The following AASDH variants were observed in gnomAD, a reference collection of about 807,000 sequenced individuals.
The protein encoded by AASDH is aminoadipate-semialdehyde dehydrogenase.
Under a neutral mutation model 102.3 loss-of-function variants are expected in AASDH, and 81 were observed. That is an observed-to-expected ratio of 0.79 (90% CI 0.66 to 0.95). The LOEUF (loss-of-function observed/expected upper bound fraction) is 0.95. Among genes scored for constraint, AASDH ranks in the 40% least tolerant of loss-of-function variants. The probability of loss-of-function intolerance (pLI) is 0.00; values close to 1 mark genes in which losing one functional copy is unlikely to be tolerated. For missense variants in AASDH, 1,203 were observed against 1,266.2 expected (o/e 0.95, Z 0.76); for synonymous variants, 398 against 454.0 (o/e 0.88, Z 1.57).
chr4:56,364,362 A>G (rs1750717513), intron 5 of AASDH, among the ~76,000 whole-genome samples: 2 of 152,170 alleles, frequency 1.3e-5, no homozygotes, highest in South Asian at 4.1e-4. Context: ...CAGGAAATAC[A>G]GAGAACACCA....
At position 56,349,948 on chromosome 4, in the gene AASDH, T is replaced by A; in HGVS notation, c.1803A>T (p.Lys601Asn). 6.2e-7 allele frequency: 1 copy of A among 1,613,934 alleles called. No homozygotes were observed. The highest frequency in any genetic ancestry group is 8.5e-7 in the Non-Finnish European group (1 of 1,180,026). Residue 601 changes from lysine (K) to asparagine (N), a missense_variant, in exon 11 of 15, where the codon AAA (lysine) becomes AAT (asparagine). Lys to Asn is a moderately conservative substitution (Grantham distance 94, BLOSUM62 0). Coordinates refer to ENST00000205214, the MANE Select transcript of AASDH (RefSeq NM_181806.4). ...KSIRLLSEIE[K>N]LVGTSVPGLL... ...GCCCAGGTACTGATGTACCAACAAG[T>A]TTTTCAATCTCACTGAGGAGCCGGA...
intron 5 of AASDH, among the ~76,000 whole-genome samples, chr4:56,363,968 C>T (rs1275022638): frequency 1.3e-5 from 2 of 152,036 alleles, no homozygotes; most frequent in Admixed American, 6.6e-5. Flanking sequence ...AAGTTAAAAA[C>T]CTTGAAAAAA....
rs749311558 is a variant in AASDH at position 56,349,733 on chromosome 4, T to C, written c.2018A>G (p.Asn673Ser). The change falls in exon 11 of 15, where the codon AAT becomes AGT. Residue 673 changes from asparagine to serine, a missense_variant. Coordinates refer to ENST00000205214, the MANE Select transcript of AASDH (RefSeq NM_181806.4). ...QKAIMTFTCHNEINAFVVLSR... is the reference protein window; with the variant it reads ...QKAIMTFTCHSEINAFVVLSR... The stretch of plus-strand genomic sequence containing the variant: ...CAGTACAACAAAAGCATTAATCTCA[T>C]TGTGGCAAGTGAAAGTCATGATGGC... 1.4e-5 allele frequency: 23 copies of C among 1,614,102 alleles called. No individual in the cohort carries two copies. The highest frequency in any genetic ancestry group is 4.0e-5 in the African/African-American group (3 of 74,940).
At chr4:56,355,516 C>T in intron 5 of AASDH, 93 bp from the exon 6 acceptor site, 1 of 1,228,920 alleles carries the variant, frequency 8.1e-7, no homozygotes. Flanking sequence ...ACATTTGGAG[C>T]CCACATGGAA....
chr4:56,382,778 C>CT (rs1485727199), intron 2 of AASDH, among the ~76,000 whole-genome samples, 181 bp from the exon 3 acceptor site: 1 of 152,180 alleles, frequency 6.6e-6, no homozygotes, highest in African/African-American at 2.4e-5. Flanking sequence ...GTAATAAACG[C>CT]TGTCATTTTA....
intron 14 of AASDH, among the ~76,000 whole-genome samples, chr4:56,342,389 C>G (rs1267278393): frequency 6.6e-6 from 1 of 152,054 alleles, no homozygotes; most frequent in Non-Finnish European, 1.5e-5. Flanking sequence ...ATGATTGTAA[C>G]AAAATATCAC....
At chr4:56,377,279 T>A (rs1752471437) in intron 4 of AASDH, among the ~76,000 whole-genome samples, 1 of 152,192 alleles carries the variant, frequency 6.6e-6, no homozygotes, top group Non-Finnish European at 1.5e-5. Context: ...ACCCCTAAGG[T>A]TCACTTCTTC....
At chr4:56,376,999 G>A (rs1475770726) in intron 4 of AASDH, among the ~76,000 whole-genome samples, 2 of 149,170 alleles carry the variant, frequency 1.3e-5, no homozygotes, top group East Asian at 2.0e-4. Flanking sequence ...CCCGGGAGGC[G>A]GAGCTTGCAG....
In AASDH at chr4:56,354,124, TTCACAG is replaced by T. The variant is rs1749308022; in HGVS notation, c.1292_1297del (p.Thr431_Val432del). ...TCCCAAAAAAAAAATCTCTCCATCT[TTCACAG>T]TCACAAAGTCTCCTGTAGCTCGCAT... On this transcript the variant is annotated inframe_deletion, in exon 8 of 15. Coordinates refer to ENST00000205214, the MANE Select transcript of AASDH (RefSeq NM_181806.4). The T allele has an allele frequency of 6.2e-7, 1 of 1,613,482 alleles. No homozygotes were observed. The highest frequency in any genetic ancestry group is 8.5e-7 in the Non-Finnish European group (1 of 1,179,598).
chr4:56,382,456 A>C, intron 3 of AASDH, 21 bp downstream of exon 3: 1 of 1,525,532 alleles, frequency 6.6e-7, no homozygotes, highest in Non-Finnish European at 9.0e-7. Flanking sequence ...GGCAAAAAAC[A>C]ATTGAAACAT....
chr4:56,382,415 G>A (rs759916172), intron 3 of AASDH, 62 bp downstream of exon 3: 13 of 1,427,230 alleles, frequency 9.1e-6, no homozygotes, highest in Non-Finnish European at 1.2e-5. Context: ...GGAGAAGGAA[G>A]GAATGTTTCA....
chr4:56,370,853 T>G (rs1041446244), intron 5 of AASDH, among the ~76,000 whole-genome samples: 3 of 152,204 alleles, frequency 2.0e-5, no homozygotes, highest in Non-Finnish European at 2.9e-5. Context: ...AACTAAGATA[T>G]CTACATATTA....
At chr4:56,372,424 G>C (rs910688658) in intron 4 of AASDH, among the ~76,000 whole-genome samples, 1 of 152,152 alleles carries the variant, frequency 6.6e-6, no homozygotes, top group African/African-American at 2.4e-5. Flanking sequence ...ATGTTTAATA[G>C]AGACTTCCGA....
chr4:56,371,528 C>G lies in AASDH; in HGVS notation c.784G>C (p.Val262Leu). Residue 262 changes from valine (V) to leucine (L), a missense_variant, in exon 5 of 15, where the codon GTA becomes CTA. By Grantham distance (32) the Val-to-Leu change is conservative. Coordinates refer to ENST00000205214, the MANE Select transcript of AASDH (RefSeq NM_181806.4). The stretch of plus-strand genomic sequence containing the variant: ...GGGAGCAACTTGACGGAAGTTGGTA[C>G]AATAAGCAGAGAGGCACCACTTGAT... Reference protein sequence around the residue: ...ALSSGASLLIVPTSVKLLPSK... With the variant: ...ALSSGASLLILPTSVKLLPSK... 6.2e-7 allele frequency: 1 copy of G among 1,613,194 alleles called. No homozygotes were observed. The highest frequency in any genetic ancestry group is 8.5e-7 in the Non-Finnish European group (1 of 1,179,888).
intron 11 of AASDH, among the ~76,000 whole-genome samples, chr4:56,345,586 G>A (rs1461683525): frequency 6.6e-6 from 1 of 152,172 alleles, no homozygotes; most frequent in Non-Finnish European, 1.5e-5. Context: ...CTGTGGTGGA[G>A]AGAGATTTTT....
intron 5 of AASDH, among the ~76,000 whole-genome samples, chr4:56,365,305 A>G (rs1340401306): frequency 3.3e-5 from 5 of 152,102 alleles, no homozygotes; most frequent in African/African-American, 1.2e-4. Flanking sequence ...CATTAGACAG[A>G]TCACCGAGAC....
intron 4 of AASDH, among the ~76,000 whole-genome samples, chr4:56,374,457 A>C (rs1415197479): frequency 6.6e-6 from 1 of 152,050 alleles, no homozygotes; most frequent in Non-Finnish European, 1.5e-5. Context: ...GAAAGCAGAA[A>C]CTTCAGGGAA....
rs747149848 is a variant in AASDH, at chr4:56,378,157, T to C, written c.659A>G (p.Gln220Arg). ...AAAGACTAGAACTTACCGAAAATGC[T>C]GGATATTTGGTACTATACACTTATG... ...VPHKCIVPNIQHFRVLFDITQ... is the reference protein window; with the variant it reads ...VPHKCIVPNIRHFRVLFDITQ... Residue 220 changes from glutamine to arginine, a missense_variant, in exon 4 of 15, where the codon CAG becomes CGG. Transcript: ENST00000205214. The C allele has an allele frequency of 6.3e-7, 1 of 1,596,132 alleles. No homozygotes were observed. Among genetic ancestry groups the C allele is most frequent in the Admixed American group, 1.8e-5 (1 of 56,886 alleles).
intron 2 of AASDH, among the ~76,000 whole-genome samples, chr4:56,383,643 T>C (rs1753228930): frequency 6.6e-6 from 1 of 152,218 alleles, no homozygotes; most frequent in Non-Finnish European, 1.5e-5. Flanking sequence ...TTTCAATCTA[T>C]ATCAACTATT....
Sources: gnomAD v4.1 joint callset for allele counts (sites outside exome capture counted in the v4.1 genomes callset) on GRCh38, gnomAD v4.1.1 for gene constraint, MANE v1.5 for transcripts, NCBI Gene and HGNC (gene_info 2026-07-23, HGNC 2026-07-21) for gene names.